Variants in MYT1L observed in about 807,000 individuals in gnomAD.
MYT1L encodes myelin transcription factor 1 like, also known as myelin transcription factor 1-like protein.
A neutral mutation model predicts 126.7 loss-of-function variants in MYT1L; 12 were observed. The observed-to-expected ratio is 0.09, with a 90% CI of 0.06 to 0.15. The LOEUF (loss-of-function observed/expected upper bound fraction) is 0.15. Ranked by LOEUF, MYT1L falls within the 10% of genes least tolerant of loss-of-function variation. The pLI, the probability that MYT1L is intolerant of heterozygous loss-of-function variation, is 1.00. For missense variants in MYT1L, 979 were observed against 1,585.2 expected (o/e 0.62, Z 6.49); for synonymous variants, 541 against 604.2 (o/e 0.90, Z 1.53).
At chr2:1,902,883 C>G in intron 14 of MYT1L, 197 bp downstream of exon 14, 1 of 582,928 alleles carries the variant, frequency 1.7e-6, no homozygotes, top group South Asian at 2.1e-5. Context: ...TCCTTCCTTC[C>G]CCTGAAGTTT....
chr2:2,128,654 G>A (rs998399037), intron 3 of MYT1L, among the ~76,000 whole-genome samples: 1 of 151,944 alleles, frequency 6.6e-6, no homozygotes, highest in African/African-American at 2.4e-5. Flanking sequence ...AATTTATAAT[G>A]GTTATTATAC....
chr2:2,251,888 A>G (rs1003650619), intron 2 of MYT1L, among the ~76,000 whole-genome samples: 1 of 151,898 alleles, frequency 6.6e-6, no homozygotes, highest in Non-Finnish European at 1.5e-5. Context: ...AAGAAAGAAG[A>G]ACGAAAAGAA....
intron 21 of MYT1L, 123 bp downstream of exon 21, chr2:1,839,026 A>G: frequency 4.6e-6 from 4 of 860,264 alleles, no homozygotes; most frequent in Non-Finnish European, 7.0e-6. Context: ...GATAGTTTTC[A>G]GCCTTTTCTT....
intron 1 of MYT1L, among the ~76,000 whole-genome samples, chr2:2,317,778 A>C (rs1408513224): frequency 6.6e-6 from 1 of 152,132 alleles, no homozygotes. Flanking sequence ...AACCAGGCAG[A>C]GTAAAGTCTC....
intron 1 of MYT1L, among the ~76,000 whole-genome samples, chr2:2,294,319 C>A (rs2095641424): frequency 1.3e-5 from 2 of 152,132 alleles, no homozygotes; most frequent in African/African-American, 4.8e-5. Flanking sequence ...GCCCCAAGCA[C>A]AACAAAAGCC....
intron 3 of MYT1L, among the ~76,000 whole-genome samples, chr2:2,105,611 C>T (rs1176136443): frequency 1.3e-5 from 2 of 152,142 alleles, no homozygotes; most frequent in Non-Finnish European, 2.9e-5. Flanking sequence ...TTACTAGTGA[C>T]TGGAGACAAT....
Position 2,305,305 on chromosome 2 carries a change from A to G in MYT1L, c.-520-20802T>C, listed in dbSNP as rs2095844074. On this transcript the variant is annotated intron_variant, in intron 1 of 24. Coordinates refer to ENST00000647738, the MANE Select transcript of MYT1L (RefSeq NM_001303052.2). ...ATTTCACAGTGGAATATATTGGACC[A>G]AGGTGATTATATTCATTCCTACAGT... 3.3e-5 allele frequency among the ~76,000 whole-genome samples: 5 copies of G among 152,334 alleles called. No individual in the cohort carries two copies. In the South Asian group the frequency reaches 1.0e-3, roughly 32 times the overall value.
chr2:1,854,761 T>C (rs927602855), intron 18 of MYT1L, among the ~76,000 whole-genome samples: 1 of 152,148 alleles, frequency 6.6e-6, no homozygotes, highest in Non-Finnish European at 1.5e-5. Context: ...CGTGAATGAA[T>C]GTGGGGAAGC....
intron 2 of MYT1L, among the ~76,000 whole-genome samples, chr2:2,202,034 C>G (rs928147767): frequency 6.6e-6 from 1 of 151,960 alleles, no homozygotes; most frequent in African/African-American, 2.4e-5. Flanking sequence ...GGGTACATAA[C>G]GAAATAAAGG....
At chr2:1,836,528 T>C (rs996581313) in intron 21 of MYT1L, among the ~76,000 whole-genome samples, 3 of 146,186 alleles carry the variant, frequency 2.1e-5, no homozygotes, top group Non-Finnish European at 4.5e-5. Flanking sequence ...TCCATCAGCC[T>C]GCGCTCCAAT....
intron 1 of MYT1L, among the ~76,000 whole-genome samples, chr2:2,321,804 G>A (rs1335434352): frequency 1.3e-5 from 2 of 152,252 alleles, no homozygotes; most frequent in South Asian, 4.2e-4. Flanking sequence ...GCAAGTGCCC[G>A]ATATCCTTGA....
In MYT1L at chr2:1,953,766, T is replaced by A. The variant is rs146414707; in HGVS notation, c.153-10432A>T. Among the ~76,000 whole-genome samples the A allele has an allele frequency of 5.4e-3, 827 of 152,340 alleles. 4 individuals are homozygous for A. The highest frequency in any genetic ancestry group is 0.018 in the African/African-American group (766 of 41,576). On this transcript the variant is annotated intron_variant, in intron 8 of 24. Coordinates refer to ENST00000647738, the MANE Select transcript of MYT1L (RefSeq NM_001303052.2). The stretch of plus-strand genomic sequence containing the variant: ...GTGCTTCGGTGTGTTTCTATCAGCA[T>A]CTGCTTTTCACGAAATCATACTGCC...
At chr2:1,925,393 G>A (rs1212895516) in intron 9 of MYT1L, among the ~76,000 whole-genome samples, 1 of 152,178 alleles carries the variant, frequency 6.6e-6, no homozygotes, top group Admixed American at 6.5e-5. Context: ...CTACAAATGT[G>A]TTATGTACAA....
chr2:1,994,976 T>C (rs2061714768), intron 5 of MYT1L, among the ~76,000 whole-genome samples: 1 of 152,186 alleles, frequency 6.6e-6, no homozygotes, highest in East Asian at 1.9e-4. Flanking sequence ...CTACAAGTGA[T>C]AGAATGTGGA....
At chr2:2,025,331 G>A (rs1574613238) in intron 4 of MYT1L, among the ~76,000 whole-genome samples, 1 of 152,296 alleles carries the variant, frequency 6.6e-6, no homozygotes, top group East Asian at 1.9e-4. Flanking sequence ...CTGGTCTGGG[G>A]ATACCAGCTC....
intron 1 of MYT1L, among the ~76,000 whole-genome samples, chr2:2,285,642 G>A (rs2149430064): frequency 6.6e-6 from 1 of 152,256 alleles, no homozygotes; most frequent in South Asian, 2.1e-4. Flanking sequence ...TTTCTATTTT[G>A]TGACATGTTC....
intron 3 of MYT1L, among the ~76,000 whole-genome samples, chr2:2,089,361 G>A (rs914811594): frequency 3.3e-5 from 5 of 152,218 alleles, no homozygotes; most frequent in African/African-American, 1.2e-4. Flanking sequence ...GAAAACTGCT[G>A]TAAGCACTGA....
chr2:2,140,661 C>T (rs1459881215), intron 3 of MYT1L, among the ~76,000 whole-genome samples: 2 of 152,022 alleles, frequency 1.3e-5, no homozygotes, highest in Non-Finnish European at 2.9e-5. Context: ...GTCTTGATCT[C>T]CTGACCTCAT....
chr2:2,001,871 T>C (rs2062428032), intron 4 of MYT1L, among the ~76,000 whole-genome samples: 1 of 152,190 alleles, frequency 6.6e-6, no homozygotes, highest in South Asian at 2.1e-4. Flanking sequence ...ATTCCTCGAA[T>C]GGGTCTTGTT....
Sources: gnomAD v4.1 joint callset for allele counts (sites outside exome capture counted in the v4.1 genomes callset) on GRCh38, gnomAD v4.1.1 for gene constraint, MANE v1.5 for transcripts, NCBI Gene and HGNC (gene_info 2026-07-23, HGNC 2026-07-21) for gene names.